The following VCAN variants were observed in gnomAD, a reference collection of about 807,000 sequenced individuals.
VCAN encodes the protein versican core protein.
In VCAN, 44 loss-of-function variants were observed where a neutral mutation model predicts 245.5. The observed-to-expected ratio is 0.18, with a 90% CI of 0.14 to 0.23. The LOEUF is 0.23. Among genes scored for constraint, VCAN ranks in the 10% least tolerant of loss-of-function variants. VCAN has a pLI of 1.00. For synonymous variants in VCAN, 1,413 were observed against 1,437.0 expected, an observed-to-expected ratio of 0.98 and a Z score of 0.38; for missense variants, 3,793 against 4,057.9, an observed-to-expected ratio of 0.93 and a Z score of 1.77.
chr5:83,532,753 C>T (rs542326513), intron 7 of VCAN, among the ~76,000 whole-genome samples: 1 of 152,062 alleles, frequency 6.6e-6, no homozygotes, highest in South Asian at 2.1e-4. Context: ...TTGTCGCGAA[C>T]TTATTTAAAG....
chr5:83,513,364 G>A (rs1745731231), intron 6 of VCAN, among the ~76,000 whole-genome samples: 1 of 152,136 alleles, frequency 6.6e-6, no homozygotes. Context: ...TCTAAAACGA[G>A]TACAAAATGT....
In VCAN at chr5:83,482,748, AG is replaced by A. The variant is rs199660459; in HGVS notation, c.-6-764del. Among the ~76,000 whole-genome samples the A allele has an allele frequency of 7.7e-3, 1,179 of 152,338 alleles. 18 individuals are homozygous for A. Among genetic ancestry groups the A allele is most frequent in the African/African-American group, 0.027 (1,119 of 41,572 alleles). On this transcript the variant is annotated intron_variant, in intron 1 of 14. Coordinates refer to ENST00000265077, the MANE Select transcript of VCAN (RefSeq NM_004385.5). ...CCAGATTGTTAAATGTCTTTTCCAAAGTCATGCAATAAATTAAATGGCAAAG... is the reference window on the plus strand; with the variant it reads ...CCAGATTGTTAAATGTCTTTTCCAAATCATGCAATAAATTAAATGGCAAAG...
chr5:83,520,872 C>T lies in VCAN; in HGVS notation c.2566C>T (p.Leu856Phe), dbSNP rs1746062212. Residue 856 changes from leucine (L) to phenylalanine (F), a missense_variant, in exon 7 of 15, where the codon CTT becomes TTT. By Grantham distance (22) the Leu-to-Phe change is conservative. Transcript: ENST00000265077. ...FTEDGADEFT[L>F]IPDSTQKQLE... The stretch of plus-strand genomic sequence containing the variant: ...TGAAGATGGAGCAGATGAATTTACT[C>T]TTATTCCAGATAGTACTCAAAAGCA... The T allele has an allele frequency of 3.1e-6, 5 of 1,614,028 alleles. No homozygotes were observed. The South Asian group carries it at 3.3e-5, about 11-fold the overall frequency.
chr5:83,521,384 C>T lies in VCAN; in HGVS notation c.3078C>T (p.Ile1026=), dbSNP rs747199085. The change falls in exon 7 of 15, where the codon ATC becomes ATT. Residue 1026 remains isoleucine (I), a synonymous_variant. Coordinates refer to ENST00000265077, the MANE Select transcript of VCAN (RefSeq NM_004385.5). ...CAGAAACTATGAGAACAACAAAAAT[C>T]ACAGAGGGAACAACTCAGGAAGAAT... ...ISPETMRTTK[I]TEGTTQEEFP... The T allele has an allele frequency of 2.5e-6, 4 of 1,613,990 alleles. No homozygotes were observed. The African/African-American group carries it at 5.3e-5, about 22-fold the overall frequency.
chr5:83,533,422 G>T (rs1377319532), intron 7 of VCAN, among the ~76,000 whole-genome samples: 1 of 152,136 alleles, frequency 6.6e-6, no homozygotes, highest in Non-Finnish European at 1.5e-5. Context: ...GAGAGAGAGA[G>T]AGGAAGGGGG....
intron 12 of VCAN, among the ~76,000 whole-genome samples, chr5:83,570,957 A>T (rs1325971521): frequency 6.6e-6 from 1 of 152,080 alleles, no homozygotes; most frequent in African/African-American, 2.4e-5. Flanking sequence ...CAAACCATAA[A>T]CTTATTTTAA....
chr5:83,555,096 A>G, intron 12 of VCAN, 58 bp downstream of exon 12: 1 of 1,567,048 alleles, frequency 6.4e-7, no homozygotes, highest in Non-Finnish European at 8.8e-7. Flanking sequence ...GGTACTGTGC[A>G]CTGATTGTGC....
In VCAN at chr5:83,541,397, G is replaced by A. The variant is rs1419667949; in HGVS notation, c.8394G>A (p.Val2798=). 1.2e-6 allele frequency: 2 copies of A among 1,614,060 alleles called. No individual in the cohort carries two copies. The highest frequency in any genetic ancestry group is 8.5e-7 in the Non-Finnish European group (1 of 1,179,988). The change falls in exon 8 of 15, where the codon GTG becomes GTA. Residue 2798 remains valine, a synonymous_variant. Coordinates refer to ENST00000265077, the MANE Select transcript of VCAN (RefSeq NM_004385.5). ...AGAGTGTAACAGAGGTGCCTGATGT[G>A]ATGGAAGGATCCAATCCCCCATATT... The part of the protein sequence containing the change: ...MDQSVTEVPD[V]MEGSNPPYYT...
intron 9 of VCAN, among the ~76,000 whole-genome samples, chr5:83,547,644 G>A (rs1393163746): frequency 6.6e-6 from 1 of 151,992 alleles, no homozygotes; most frequent in Non-Finnish European, 1.5e-5. Flanking sequence ...ATTCGTTTTA[G>A]GGCTTATCTG....
rs772845510 is a variant in VCAN at position 83,493,670 on chromosome 5, A to T, written c.570A>T (p.Glu190Asp). 1.2e-6 allele frequency: 2 copies of T among 1,614,180 alleles called. No homozygotes were observed. The highest frequency in any genetic ancestry group is 1.7e-6 in the Non-Finnish European group (2 of 1,180,026). ...CAGAGCAGCTCTTTGCTGCCTATGA[A>T]GATGGATTTGAGCAGTGTGACGCAG... Reference protein sequence around the residue: ...ATPEQLFAAYEDGFEQCDAGW... With the variant: ...ATPEQLFAAYDDGFEQCDAGW... Residue 190 changes from glutamate (E) to aspartate (D), a missense_variant, in exon 4 of 15, where the codon GAA (glutamate) becomes GAT (aspartate). Physicochemically the swap from Glu to Asp is conservative, Grantham distance 45. This residue lies in a region of VCAN where 190 missense variants were observed against 288.6 expected (regional missense o/e 0.66). Coordinates refer to ENST00000265077, the MANE Select transcript of VCAN (RefSeq NM_004385.5).
chr5:83,529,140 A>G (rs1266396134), intron 7 of VCAN, among the ~76,000 whole-genome samples: 1 of 152,058 alleles, frequency 6.6e-6, no homozygotes, highest in East Asian at 1.9e-4. Flanking sequence ...TTTTTGAAGT[A>G]CATTCTGGTT....
At chr5:83,566,752 A>G (rs766517414) in intron 12 of VCAN, among the ~76,000 whole-genome samples, 34 of 152,228 alleles carry the variant, frequency 2.2e-4, no homozygotes, top group Non-Finnish European at 4.1e-4. Context: ...CATGCACAGA[A>G]GTCATGTGCA....
rs747252684 is a variant in VCAN, at chr5:83,521,947, T to C, written c.3641T>C (p.Val1214Ala). 8 of 1,614,202 alleles carry C rather than the reference T, an allele frequency of 5.0e-6. No individual in the cohort carries two copies. Among genetic ancestry groups the C allele is most frequent in the Non-Finnish European group, 6.8e-6 (8 of 1,180,034 alleles). The change falls in exon 7 of 15, where the codon GTA becomes GCA. Residue 1214 changes from valine to alanine, a missense_variant. Val to Ala is a moderately conservative substitution (Grantham distance 64). This residue lies in a region of VCAN where 3,182 missense variants were observed against 3,250.3 expected (regional missense o/e 0.98). Coordinates refer to ENST00000265077, the MANE Select transcript of VCAN (RefSeq NM_004385.5). ...PSDITTAFSSVDRLHTTSAFK... is the reference protein window; with the variant it reads ...PSDITTAFSSADRLHTTSAFK... ...GATATTACCACTGCCTTCAGTTCAG[T>C]AGACAGACTTCACACAACTTCAGCA...
chr5:83,520,406 A>G lies in VCAN; in HGVS notation c.2100A>G (p.Thr700=). The G allele has an allele frequency of 6.2e-7, 1 of 1,613,532 alleles. No individual in the cohort carries two copies. The highest frequency in any genetic ancestry group is 1.1e-5 in the South Asian group (1 of 91,030). ...CAGAGATGAGAACAGATACTTATAC[A>G]GATGAAATACAAGAAGAGATCACTA... ...LIPEMRTDTY[T]DEIQEEITKS... Residue 700 remains threonine (T), a synonymous_variant, in exon 7 of 15, where the codon ACA becomes ACG. Transcript: ENST00000265077.
rs1745431287 is a variant in VCAN at position 83,504,684 on chromosome 5, A to C, written c.749-7419A>C. Among the ~76,000 whole-genome samples the C allele has an allele frequency of 5.9e-5, 9 of 152,286 alleles. No homozygotes were observed. In the South Asian group the frequency reaches 1.9e-3, roughly 32 times the overall value. ...GGCATGAGCCACTGCGCCCAGCCTGATGAATTCTTATTATAACAATTTAAC... is the reference window on the plus strand; with the variant it reads ...GGCATGAGCCACTGCGCCCAGCCTGCTGAATTCTTATTATAACAATTTAAC... On this transcript the variant is annotated intron_variant, in intron 5 of 14. Transcript: ENST00000265077.
intron 12 of VCAN, among the ~76,000 whole-genome samples, chr5:83,562,499 A>G (rs1747904147): frequency 6.6e-6 from 1 of 152,158 alleles, no homozygotes; most frequent in Non-Finnish European, 1.5e-5. Flanking sequence ...AAATCATTTT[A>G]TAATTGACAA....
rs773247377 is a variant in VCAN at position 83,522,104 on chromosome 5, T to C, written c.3798T>C (p.Ile1266=). ...SHVPPTTLED[I]VAKETETDID... The stretch of plus-strand genomic sequence containing the variant: ...TTCCTCCCACTACCCTTGAAGATAT[T>C]GTAGCCAAGGAAACAGAAACCGATA... Residue 1266 remains isoleucine (I), a synonymous_variant, in exon 7 of 15, where the codon ATT becomes ATC. Transcript: ENST00000265077. The C allele has an allele frequency of 1.1e-5, 18 of 1,614,028 alleles. No individual in the cohort carries two copies. The highest frequency in any genetic ancestry group is 1.4e-5 in the Non-Finnish European group (17 of 1,180,032).
At chr5:83,498,935 C>T (rs540089010) in intron 5 of VCAN, among the ~76,000 whole-genome samples, 28 of 152,156 alleles carry the variant, frequency 1.8e-4, no homozygotes, top group Non-Finnish European at 3.5e-4. Flanking sequence ...GCCTGGTCTT[C>T]AAAACCTATA....
chr5:83,506,826 G>A (rs971518985), intron 5 of VCAN, among the ~76,000 whole-genome samples: 3 of 152,168 alleles, frequency 2.0e-5, no homozygotes, highest in Non-Finnish European at 4.4e-5. Context: ...CTTGGCGAGA[G>A]GTGAAAGGCA....
Sources: gnomAD v4.1 joint callset for allele counts (sites outside exome capture counted in the v4.1 genomes callset) on GRCh38, gnomAD v4.1.1 for gene constraint, gnomAD v4.1.1 regional missense constraint, MANE v1.5 for transcripts, NCBI Gene and HGNC (gene_info 2026-07-23, HGNC 2026-07-21) for gene names.